Variants in SDK2 observed in about 807,000 individuals in gnomAD.
The protein encoded by SDK2 is protein sidekick-2.
SDK2 carries 105 observed loss-of-function variants against 253.9 expected under a neutral mutation model. That is an observed-to-expected ratio of 0.41 (90% CI 0.35 to 0.49). The LOEUF is 0.49. Ranked by LOEUF, SDK2 falls within the 20% of genes least tolerant of loss-of-function variation. The pLI is 0.06. For synonymous variants in SDK2, 1,249 were observed against 1,234.9 expected, an observed-to-expected ratio of 1.01 and a Z score of -0.24; for missense variants, 2,608 against 3,003.0, an observed-to-expected ratio of 0.87 and a Z score of 3.07.
At chr17:73,411,805 G>C (rs1225159324) in intron 18 of SDK2, among the ~76,000 whole-genome samples, 1 of 96,930 alleles carries the variant, frequency 1.0e-5, no homozygotes, top group African/African-American at 3.9e-5. Context: ...TTTTTTTTTT[G>C]GTCAGAGTCT....
rs1309343992 is a variant in SDK2, at chr17:73,618,200, G to C, written c.64+25825C>G. 2.0e-5 allele frequency among the ~76,000 whole-genome samples: 3 copies of C among 152,196 alleles called. No individual in the cohort carries two copies. Among genetic ancestry groups the C allele is most frequent in the Admixed American group, 2.0e-4 (3 of 15,274 alleles). ...TTTGCTAACCCAAACCCATTCATTAGCCTGTAAATGACGCAGCTCTTATAC... is the reference window on the plus strand; with the variant it reads ...TTTGCTAACCCAAACCCATTCATTACCCTGTAAATGACGCAGCTCTTATAC... On this transcript the variant is annotated intron_variant, in intron 1 of 44. Coordinates refer to ENST00000392650, the MANE Select transcript of SDK2 (RefSeq NM_001144952.2). The surrounding 1 kb of genome is among the most constrained non-coding windows in gnomAD (Gnocchi z 4.1).
chr17:73,495,896 T>G (rs2063838658), intron 2 of SDK2, among the ~76,000 whole-genome samples: 1 of 152,220 alleles, frequency 6.6e-6, no homozygotes. Context: ...ACATCTCTAT[T>G]AAAATTCAAT....
At chr17:73,625,565 AC>A (rs2046191193) in intron 1 of SDK2, among the ~76,000 whole-genome samples, 1 of 152,192 alleles carries the variant, frequency 6.6e-6, no homozygotes, top group Non-Finnish European at 1.5e-5. Flanking sequence ...GAAGGGCACC[AC>A]CCTTGGTGTA....
rs758340614 is a variant in SDK2 at position 73,398,143 on chromosome 17, G to A, written c.3246C>T (p.Pro1082=). 12 of 1,613,272 alleles carry A rather than the reference G, an allele frequency of 7.4e-6. No individual in the cohort carries two copies. The East Asian group carries it at 2.0e-4, about 27-fold the overall frequency. ...TCTGGATCTTTCTAGAAGGCTGACT[G>A]GGGGGGCTGGTGCCCACGATGTTCA... The part of the protein sequence containing the change: ...RQVNIVGTSP[P]SQPSRKIQTL... The change falls in exon 24 of 45, where the codon CCC becomes CCT. Residue 1082 remains proline, a synonymous_variant. Transcript: ENST00000392650.
At chr17:73,562,546 A>G (rs1300688937) in intron 1 of SDK2, among the ~76,000 whole-genome samples, 1 of 152,054 alleles carries the variant, frequency 6.6e-6, no homozygotes, top group Admixed American at 6.5e-5. Flanking sequence ...CTTCTCAAAG[A>G]AGAGAGAGAG....
chr17:73,364,781 C>G (rs2062669820), intron 38 of SDK2, among the ~76,000 whole-genome samples: 2 of 152,074 alleles, frequency 1.3e-5, no homozygotes, highest in South Asian at 4.1e-4. Flanking sequence ...ACCACCACAC[C>G]CGGCTAATTT....
intron 1 of SDK2, among the ~76,000 whole-genome samples, chr17:73,509,619 CT>C (rs1426188444): frequency 6.9e-6 from 1 of 144,660 alleles, no homozygotes; most frequent in African/African-American, 2.7e-5. Context: ...GTGAGACCCC[CT>C]CTTCACCAAA....
At chr17:73,509,999 T>A (rs956374559) in intron 1 of SDK2, among the ~76,000 whole-genome samples, 24 of 150,452 alleles carry the variant, frequency 1.6e-4, no homozygotes, top group Middle Eastern at 3.5e-3. Flanking sequence ...GAGGGGGCAG[T>A]TTGCAGCTGG....
rs1308549855 is a variant in SDK2 at position 73,379,700 on chromosome 17, G to A, written c.4763-151C>T. Reference sequence around the variant, plus strand: ...TGAAGGTGCATGAAGGAGGAGGTGAGAGGCGGGGCCCCCAGGGGACGCTCT... The same window carrying A: ...TGAAGGTGCATGAAGGAGGAGGTGAAAGGCGGGGCCCCCAGGGGACGCTCT... On this transcript the variant is annotated intron_variant, in intron 34 of 44. Coordinates refer to ENST00000392650, the MANE Select transcript of SDK2 (RefSeq NM_001144952.2). The surrounding 1 kb of genome is among the most constrained non-coding windows in gnomAD (Gnocchi z 4.5). 6.6e-6 allele frequency among the ~76,000 whole-genome samples: 1 copy of A among 152,140 alleles called. No individual in the cohort carries two copies. The highest frequency in any genetic ancestry group is 1.5e-5 in the Non-Finnish European group (1 of 68,002).
chr17:73,472,958 C>T (rs2063662750), intron 2 of SDK2, among the ~76,000 whole-genome samples: 1 of 152,232 alleles, frequency 6.6e-6, no homozygotes. Context: ...GAGGGCTCCC[C>T]AGCCACATGG....
At chr17:73,507,631 C>A in intron 1 of SDK2, 34 bp from the exon 2 acceptor site, 1 of 1,544,844 alleles carries the variant, frequency 6.5e-7, no homozygotes, top group South Asian at 1.2e-5. Context: ...CACCAGTGAT[C>A]ACTTGCTCAC....
intron 1 of SDK2, among the ~76,000 whole-genome samples, chr17:73,536,103 C>A (rs2044767763): frequency 2.0e-5 from 3 of 152,164 alleles, no homozygotes; most frequent in Admixed American, 2.0e-4. Flanking sequence ...GAGACCACAC[C>A]TGGGCTATAT....
intron 15 of SDK2, among the ~76,000 whole-genome samples, 187 bp from the exon 16 acceptor site, chr17:73,419,493 G>A (rs2063210441): frequency 6.6e-6 from 1 of 151,972 alleles, no homozygotes; most frequent in Non-Finnish European, 1.5e-5. Context: ...AGCTCTACTT[G>A]CCTGCCTTAT....
rs147109601 is a variant in SDK2 at position 73,448,754 on chromosome 17, C to T, written c.480-1006G>A. Among the ~76,000 whole-genome samples the T allele has an allele frequency of 7.0e-3, 1,051 of 150,744 alleles. 13 individuals are homozygous for T. Among genetic ancestry groups the T allele is most frequent in the African/African-American group, 0.024 (976 of 40,990 alleles). On this transcript the variant is annotated intron_variant, in intron 4 of 44. Transcript: ENST00000392650. ...TGGCTTACTGCAACCTCCGCCTTCC[C>T]GGTTCAAGTGATTTTCCTGCCTCAG...
At chr17:73,521,591 T>C (rs2064079895) in intron 1 of SDK2, among the ~76,000 whole-genome samples, 1 of 152,158 alleles carries the variant, frequency 6.6e-6, no homozygotes, top group African/African-American at 2.4e-5. Flanking sequence ...CTCCCATGTG[T>C]GGGCTCAGGC....
At chr17:73,478,127 C>T (rs1428128096) in intron 2 of SDK2, among the ~76,000 whole-genome samples, 1 of 152,168 alleles carries the variant, frequency 6.6e-6, no homozygotes, top group Non-Finnish European at 1.5e-5. Flanking sequence ...CATTAGTTTC[C>T]TGAGTGTCTT....
intron 1 of SDK2, among the ~76,000 whole-genome samples, chr17:73,568,834 T>C (rs1195249591): frequency 6.6e-6 from 1 of 152,174 alleles, no homozygotes; most frequent in African/African-American, 2.4e-5. Context: ...GAACATGCTT[T>C]ATCTTCAAAC....
chr17:73,401,585 G>C (rs969019617), intron 20 of SDK2, 69 bp downstream of exon 20: 1 of 1,379,426 alleles, frequency 7.2e-7, no homozygotes, highest in Non-Finnish European at 1.0e-6. Context: ...TCAAAGGCAG[G>C]GGATGGACCA....
chr17:73,485,929 C>T (rs2063766923), intron 2 of SDK2, among the ~76,000 whole-genome samples: 1 of 152,212 alleles, frequency 6.6e-6, no homozygotes, highest in Non-Finnish European at 1.5e-5. Flanking sequence ...ACGAAGGTCA[C>T]TCTGACTGCA....
Sources: gnomAD v4.1 joint callset for allele counts (sites outside exome capture counted in the v4.1 genomes callset) on GRCh38, gnomAD v4.1.1 for gene constraint, Gnocchi (gnomAD v3.1) non-coding constraint, MANE v1.5 for transcripts, NCBI Gene and HGNC (gene_info 2026-07-23, HGNC 2026-07-21) for gene names.